Variants in PPM1L observed in about 807,000 individuals in gnomAD.
PPM1L encodes the protein protein phosphatase, Mg2+/Mn2+ dependent 1L.
In PPM1L, 13 loss-of-function variants were observed where a neutral mutation model predicts 31.4. The observed-to-expected ratio is 0.41, with a 90% CI of 0.27 to 0.66. The LOEUF is 0.66. PPM1L is among the 30% of genes least tolerant of loss of function. The pLI is 0.29. For synonymous variants in PPM1L, 184 were observed against 175.4 expected (o/e 1.05, Z -0.39); for missense variants, 326 against 453.7 (o/e 0.72, Z 2.56).
chr3:161,017,483 A>G (rs545813552), intron 2 of PPM1L, among the ~76,000 whole-genome samples: 1 of 152,192 alleles, frequency 6.6e-6, no homozygotes, highest in Non-Finnish European at 1.5e-5. Context: ...CTAGCTGAAT[A>G]AACTACCTAC....
chr3:160,778,942 T>G (rs189050536), intron 1 of PPM1L, among the ~76,000 whole-genome samples: 2 of 152,198 alleles, frequency 1.3e-5, no homozygotes, highest in African/African-American at 4.8e-5. Flanking sequence ...TATTTCTTTT[T>G]TACCTTTTTG....
chr3:161,036,564 C>T (rs1576797993), intron 2 of PPM1L, among the ~76,000 whole-genome samples: 1 of 152,108 alleles, frequency 6.6e-6, no homozygotes, highest in Admixed American at 6.5e-5. Flanking sequence ...AATTGTTATC[C>T]TTCAGTAATT....
chr3:160,965,080 T>C (rs1401916013), intron 2 of PPM1L, among the ~76,000 whole-genome samples: 3 of 151,722 alleles, frequency 2.0e-5, no homozygotes, highest in African/African-American at 4.8e-5. Flanking sequence ...TGAAACCCCA[T>C]CTCTACTAAA....
At chr3:160,978,610 G>T (rs921405416) in intron 2 of PPM1L, among the ~76,000 whole-genome samples, 3 of 152,158 alleles carry the variant, frequency 2.0e-5, no homozygotes, top group African/African-American at 7.2e-5. Context: ...TGGGAGAATT[G>T]CTTGAGCCCA....
chr3:160,775,511 A>G (rs1458813956), intron 1 of PPM1L, among the ~76,000 whole-genome samples: 1 of 152,222 alleles, frequency 6.6e-6, no homozygotes, highest in Admixed American at 6.5e-5. Context: ...CCTTTAAATA[A>G]TGACCAGGAA....
intron 1 of PPM1L, among the ~76,000 whole-genome samples, chr3:160,926,555 A>G (rs1714598495): frequency 1.3e-5 from 2 of 152,090 alleles, no homozygotes; most frequent in African/African-American, 2.4e-5. Flanking sequence ...CTTAATGCCT[A>G]CCCCATGCTG....
intron 2 of PPM1L, among the ~76,000 whole-genome samples, chr3:161,026,562 G>A (rs1016281430): frequency 3.3e-5 from 5 of 152,076 alleles, no homozygotes; most frequent in African/African-American, 1.2e-4. Flanking sequence ...TGGGCACGGT[G>A]GTGGGCGCCT....
chr3:161,048,952 G>T (rs1202598757), intron 2 of PPM1L, among the ~76,000 whole-genome samples: 1 of 103,284 alleles, frequency 9.7e-6, no homozygotes, highest in South Asian at 3.7e-4. Context: ...AGGGGGGAGG[G>T]ATAGCATTAT....
At chr3:161,010,624 G>A (rs1378858839) in intron 2 of PPM1L, among the ~76,000 whole-genome samples, 3 of 152,026 alleles carry the variant, frequency 2.0e-5, no homozygotes, top group Admixed American at 6.5e-5. Flanking sequence ...GGTTGAACTA[G>A]TTTACAGTCC....
chr3:160,868,802 T>C (rs988331518), intron 1 of PPM1L, among the ~76,000 whole-genome samples: 8 of 152,176 alleles, frequency 5.3e-5, no homozygotes, highest in Non-Finnish European at 1.0e-4. Context: ...ACATTTAATA[T>C]GACAGTTAAT....
At chr3:160,987,442 A>G (rs1717000602) in intron 2 of PPM1L, among the ~76,000 whole-genome samples, 1 of 152,178 alleles carries the variant, frequency 6.6e-6, no homozygotes, top group South Asian at 2.1e-4. Flanking sequence ...AACTACATAT[A>G]TATTTCACTA....
At chr3:161,003,103 C>G (rs1157398049) in intron 2 of PPM1L, among the ~76,000 whole-genome samples, 1 of 151,496 alleles carries the variant, frequency 6.6e-6, no homozygotes, top group Non-Finnish European at 1.5e-5. Flanking sequence ...GGAATCCTTT[C>G]CCCATTGCTT....
At chr3:160,934,798 C>T (rs1014670130) in intron 1 of PPM1L, among the ~76,000 whole-genome samples, 21 of 151,954 alleles carry the variant, frequency 1.4e-4, no homozygotes, top group Non-Finnish European at 7.4e-5. Context: ...ACAAAAAGTA[C>T]AAAAATTTGC....
At chr3:160,770,810 C>T (rs1576630023) in intron 1 of PPM1L, among the ~76,000 whole-genome samples, 1 of 152,194 alleles carries the variant, frequency 6.6e-6, no homozygotes, top group Admixed American at 6.5e-5. Flanking sequence ...GAAGGTCATC[C>T]TTATTTTTTC....
intron 1 of PPM1L, among the ~76,000 whole-genome samples, chr3:160,891,392 A>G (rs1279943176): frequency 6.6e-6 from 1 of 152,214 alleles, no homozygotes; most frequent in Admixed American, 6.5e-5. Context: ...CAACTATGAA[A>G]AAAAGCTCAG....
chr3:160,810,761 C>T (rs1179747352), intron 1 of PPM1L, among the ~76,000 whole-genome samples: 3 of 152,134 alleles, frequency 2.0e-5, no homozygotes, highest in African/African-American at 7.2e-5. Context: ...TATTATTTTG[C>T]CTTGCATAGC....
At chr3:161,035,806 G>C (rs766347460) in intron 2 of PPM1L, 1 of 152,214 alleles carries the variant, frequency 6.6e-6, no homozygotes, top group Non-Finnish European at 1.5e-5. Context: ...CATTCTTGGG[G>C]TTTGAACACA....
At chr3:160,976,333 CTCT>C (rs1716574882) in intron 2 of PPM1L, among the ~76,000 whole-genome samples, 1 of 144,308 alleles carries the variant, frequency 6.9e-6, no homozygotes, top group Non-Finnish European at 1.5e-5. Context: ...GTCTAAAATT[CTCT>C]TTTTTGGTTG....
chr3:160,921,663 A>C (rs1714411036), intron 1 of PPM1L, among the ~76,000 whole-genome samples: 1 of 152,158 alleles, frequency 6.6e-6, no homozygotes, highest in Non-Finnish European at 1.5e-5. Flanking sequence ...AAATCTATAA[A>C]TACAGTGATC....
Sources: allele counts gnomAD v4.1 joint callset (sites outside exome capture counted in the v4.1 genomes callset), GRCh38; gene constraint gnomAD v4.1.1; transcripts MANE v1.5; gene names NCBI Gene and HGNC (gene_info 2026-07-23, HGNC 2026-07-21).